Variants in ADCK1 observed in about 807,000 individuals in gnomAD.
The protein encoded by ADCK1 is aarF domain-containing protein kinase 1.
A neutral mutation model predicts 52.3 loss-of-function variants in ADCK1; 41 were observed. The ratio of observed to expected loss-of-function variants is 0.78; its 90% CI spans 0.61 to 1.02. ADCK1 has a LOEUF of 1.02. Among genes scored for constraint, ADCK1 ranks in the 50% least tolerant of loss-of-function variants. The pLI is 0.00. For synonymous variants in ADCK1, 250 were observed against 274.6 expected, an observed-to-expected ratio of 0.91 and a Z score of 0.89; for missense variants, 658 against 679.5, an observed-to-expected ratio of 0.97 and a Z score of 0.35.
intron 3 of ADCK1, among the ~76,000 whole-genome samples, chr14:77,837,311 AT>A (rs1194025147): frequency 6.7e-6 from 1 of 150,126 alleles, no homozygotes. Context: ...TAATTTTTGT[AT>A]TTTTTTGTAG....
At chr14:77,889,360 A>G (rs1415020505) in intron 5 of ADCK1, among the ~76,000 whole-genome samples, 1 of 152,216 alleles carries the variant, frequency 6.6e-6, no homozygotes, top group Non-Finnish European at 1.5e-5. Flanking sequence ...CTTTCTCAAA[A>G]TATCTTGTTG....
chr14:77,864,926 A>G (rs2140151470), intron 4 of ADCK1, among the ~76,000 whole-genome samples: 1 of 152,248 alleles, frequency 6.6e-6, no homozygotes, highest in East Asian at 1.9e-4. Flanking sequence ...CCCTTATCTG[A>G]TTGCATGAGG....
At chr14:77,909,997 G>A (rs1026378938) in intron 7 of ADCK1, among the ~76,000 whole-genome samples, 1 of 152,144 alleles carries the variant, frequency 6.6e-6, no homozygotes, top group Non-Finnish European at 1.5e-5. Context: ...CAAAGGAGGG[G>A]CCGCATCAAA....
intron 4 of ADCK1, among the ~76,000 whole-genome samples, chr14:77,867,487 A>G (rs2082686445): frequency 2.0e-5 from 3 of 152,222 alleles, no homozygotes; most frequent in Admixed American, 1.3e-4. Flanking sequence ...TTCCCCCCCA[A>G]TAATGCTGAC....
chr14:77,839,274 T>TGTTAGAG (rs2082019010), intron 3 of ADCK1, among the ~76,000 whole-genome samples: 3 of 152,136 alleles, frequency 2.0e-5, no homozygotes, highest in African/African-American at 4.8e-5. Context: ...GGGCCGGCCA[T>TGTTAGAG]GTGATTACGA....
At chr14:77,828,987 G>T (rs1411711712) in intron 3 of ADCK1, among the ~76,000 whole-genome samples, 2 of 151,164 alleles carry the variant, frequency 1.3e-5, no homozygotes, top group Non-Finnish European at 3.0e-5. Context: ...GCTCTTTCAG[G>T]TTGGCTCCTG....
chr14:77,842,840 G>C (rs2082102241), intron 3 of ADCK1, among the ~76,000 whole-genome samples: 1 of 151,170 alleles, frequency 6.6e-6, no homozygotes, highest in Non-Finnish European at 1.5e-5. Flanking sequence ...GTGAGCCATT[G>C]TGCCTGGTCG....
At chr14:77,805,420 C>G (rs1159624816) in intron 1 of ADCK1, among the ~76,000 whole-genome samples, 6 of 151,608 alleles carry the variant, frequency 4.0e-5, no homozygotes, top group African/African-American at 7.3e-5. Flanking sequence ...TGCCACCACA[C>G]TTGGCTAATT....
Position 77,934,598 on chromosome 14 carries a change from C to G in ADCK1, c.*1207C>G, listed in dbSNP as rs558931915. The G allele has an allele frequency of 1.4e-4, 22 of 152,406 alleles. No individual in the cohort carries two copies. The highest frequency in any genetic ancestry group is 5.1e-4 in the African/African-American group (21 of 41,568). The allele number at this position is 152,406 out of a possible 1,614,324, so 9.4% of individuals were successfully genotyped here. A position where few individuals can be genotyped will look rare whatever the true frequency, so the allele number is the denominator to read the frequency against. On this transcript the variant is annotated 3_prime_UTR_variant, in exon 11 of 11. Transcript: ENST00000238561. ...CTTGCTGCCAGCACTGCCTCTCCCC[C>G]CAGCCTGGTTGTCTGCTTCTGTTTC...
chr14:77,867,635 A>G (rs2082689998), intron 4 of ADCK1, among the ~76,000 whole-genome samples: 1 of 152,144 alleles, frequency 6.6e-6, no homozygotes, highest in African/African-American at 2.4e-5. Context: ...GGGAGAGGCA[A>G]GGCAATGGTC....
At chr14:77,850,040 AC>A (rs1360055349) in intron 3 of ADCK1, among the ~76,000 whole-genome samples, 6 of 152,096 alleles carry the variant, frequency 3.9e-5, no homozygotes, top group African/African-American at 1.2e-4. Context: ...CCCTGACTCA[AC>A]AAAAAATTTT....
intron 4 of ADCK1, among the ~76,000 whole-genome samples, chr14:77,876,529 C>T (rs2082903385): frequency 6.6e-6 from 1 of 152,190 alleles, no homozygotes. Flanking sequence ...TTTCTGCCTA[C>T]CACAGTGTCA....
chr14:77,860,147 C>T (rs1463023984), intron 4 of ADCK1, among the ~76,000 whole-genome samples: 4 of 152,198 alleles, frequency 2.6e-5, no homozygotes, highest in Admixed American at 6.5e-5. Flanking sequence ...GATCTTATCC[C>T]TCCTTTGGGC....
Position 77,805,252 on chromosome 14 carries a change from C to CTT in ADCK1, c.-12+5108_-12+5109dup, listed in dbSNP as rs777184096. Among the ~76,000 whole-genome samples the CTT allele has an allele frequency of 1.3e-3, 81 of 62,314 alleles. 1 individual carries two copies. Among genetic ancestry groups the CTT allele is most frequent in the Non-Finnish European group, 2.0e-3 (62 of 31,592 alleles). The allele number at this position is 62,314 out of a possible 152,430, so 40.9% of individuals were successfully genotyped here. Reference sequence around the variant, plus strand: ...AAAGAGTCATTTTTGGCTTTGCATTCTTTTTTTTTTTTTTTTTTTTTTTTT... The same window carrying CTT: ...AAAGAGTCATTTTTGGCTTTGCATTCTTTTTTTTTTTTTTTTTTTTTTTTTTT... On this transcript the variant is annotated intron_variant, in intron 1 of 10. Transcript: ENST00000238561.
At chr14:77,852,671 A>ATATATTATATATATATATAT (rs1566667220) in intron 3 of ADCK1, among the ~76,000 whole-genome samples, 1 of 10,804 alleles carries the variant, frequency 9.3e-5, no homozygotes, top group Non-Finnish European at 2.5e-4. Context: ...ATATATATAT[A>ATATATTATATATATATATAT]TATATATATA....
At chr14:77,876,574 A>C (rs1389179061) in intron 4 of ADCK1, among the ~76,000 whole-genome samples, 1 of 152,184 alleles carries the variant, frequency 6.6e-6, no homozygotes, top group Non-Finnish European at 1.5e-5. Flanking sequence ...AGGCCATACC[A>C]TCTCTCTGTC....
chr14:77,822,104 T>A (rs2081596021), intron 2 of ADCK1, among the ~76,000 whole-genome samples: 1 of 151,814 alleles, frequency 6.6e-6, no homozygotes, highest in Admixed American at 6.6e-5. Context: ...GAGCTTAGAG[T>A]TTAAGCTTAT....
chr14:77,916,582 G>A (rs2083930250), intron 7 of ADCK1, among the ~76,000 whole-genome samples: 1 of 152,176 alleles, frequency 6.6e-6, no homozygotes, highest in South Asian at 2.1e-4. Context: ...AGCCTCTGGA[G>A]TAGCTGGGAC....
Position 77,933,420 on chromosome 14 carries a change from G to T in ADCK1, c.*29G>T. 6.2e-7 allele frequency: 1 copy of T among 1,609,222 alleles called. No individual in the cohort carries two copies. Among genetic ancestry groups the T allele is most frequent in the African/African-American group, 1.3e-5 (1 of 74,922 alleles). On this transcript the variant is annotated 3_prime_UTR_variant, in exon 11 of 11. Coordinates refer to ENST00000238561, the MANE Select transcript of ADCK1 (RefSeq NM_020421.4). ...GAATTGCTCTCCCTGCCCCATTCTGGTGTCTTTCCACTCCTCAGCCCCTCA... is the reference window on the plus strand; with the variant it reads ...GAATTGCTCTCCCTGCCCCATTCTGTTGTCTTTCCACTCCTCAGCCCCTCA...
Sources: gnomAD v4.1 joint callset for allele counts (sites outside exome capture counted in the v4.1 genomes callset) on GRCh38, gnomAD v4.1.1 for gene constraint, MANE v1.5 for transcripts, NCBI Gene and HGNC (gene_info 2026-07-23, HGNC 2026-07-21) for gene names.